MCM5: variants seen among roughly 807,000 people sequenced by gnomAD.
MCM5 encodes DNA replication licensing factor MCM5.
In MCM5, 46 loss-of-function variants were observed where a neutral mutation model predicts 79.9. The ratio of observed to expected loss-of-function variants is 0.58; its 90% CI spans 0.45 to 0.74. The LOEUF is 0.74. Ranked by LOEUF, MCM5 falls within the 30% of genes least tolerant of loss-of-function variation. MCM5 has a pLI of 0.00. For missense variants in MCM5, 883 were observed against 1,017.0 expected, an observed-to-expected ratio of 0.87 and a Z score of 1.79; for synonymous variants, 404 against 390.5, an observed-to-expected ratio of 1.03 and a Z score of -0.41.
At chr22:35,400,271 G>C (rs1931996685) in intron 1 of MCM5, 63 bp downstream of exon 1, 1 of 711,950 alleles carries the variant, frequency 1.4e-6, no homozygotes, top group East Asian at 2.6e-5. Context: ...TCCGGGTGTA[G>C]TTGGAGTGGG....
At chr22:35,403,039 G>GTTT (rs1932106559) in intron 2 of MCM5, among the ~76,000 whole-genome samples, 168 bp from the exon 3 acceptor site, 1 of 152,160 alleles carries the variant, frequency 6.6e-6, no homozygotes, top group African/African-American at 2.4e-5. Context: ...CCTCTGCAGG[G>GTTT]TTAAATAATG....
At chr22:35,416,034 G>A (rs541888426) in intron 10 of MCM5, 62 bp downstream of exon 10, 1 of 1,575,814 alleles carries the variant, frequency 6.3e-7, no homozygotes, top group South Asian at 1.1e-5. Flanking sequence ...GTGACTTCCT[G>A]TGCTCAGCCA....
At chr22:35,433,986 G>A in the MCM5 span, among the ~76,000 whole-genome samples, 1 of 152,338 alleles carries the variant, frequency 6.6e-6, no homozygotes, top group East Asian at 1.9e-4. Context: ...GTTTCTGATG[G>A]CATGGAAATC....
chr22:35,442,216 G>A, the MCM5 span, among the ~76,000 whole-genome samples: 6 of 151,836 alleles, frequency 4.0e-5, no homozygotes, highest in African/African-American at 1.5e-4. Flanking sequence ...CAGTGCCAGC[G>A]GAAGGCCCAC....
chr22:35,405,157 T>A (rs1168929419), intron 4 of MCM5, among the ~76,000 whole-genome samples: 1 of 150,284 alleles, frequency 6.7e-6, no homozygotes, highest in Non-Finnish European at 1.5e-5. Context: ...CCCCAAGTGG[T>A]TGGAATTACA....
At chr22:35,438,368 T>C in the MCM5 span, among the ~76,000 whole-genome samples, 50 of 108,414 alleles carry the variant, frequency 4.6e-4, no homozygotes, top group East Asian at 6.2e-4. Context: ...CCCACATATT[T>C]ATCCATCCAT....
chr22:35,412,214 C>T (rs1932402780), intron 7 of MCM5, among the ~76,000 whole-genome samples: 1 of 152,320 alleles, frequency 6.6e-6, no homozygotes, highest in Non-Finnish European at 1.5e-5. Flanking sequence ...TATATCACTC[C>T]TCGGCTGAAA....
At chr22:35,444,868 A>G in the MCM5 span, among the ~76,000 whole-genome samples, 1 of 152,142 alleles carries the variant, frequency 6.6e-6, no homozygotes, top group Non-Finnish European at 1.5e-5. Context: ...TTAGAAAATG[A>G]GGCAGATGCA....
chr22:35,423,364 G>C, intron 16 of MCM5, 23 bp downstream of exon 16: 2 of 1,574,808 alleles, frequency 1.3e-6, no homozygotes, highest in Non-Finnish European at 1.7e-6. Context: ...TGGAGTGGGG[G>C]TGTGAGCCGG....
chr22:35,451,706 G>C, the MCM5 span, among the ~76,000 whole-genome samples: 1 of 152,214 alleles, frequency 6.6e-6, no homozygotes, highest in East Asian at 1.9e-4. Context: ...AGCAGACATG[G>C]GCCCTCAGCA....
At chr22:35,435,013 T>C in the MCM5 span, among the ~76,000 whole-genome samples, 1 of 152,182 alleles carries the variant, frequency 6.6e-6, no homozygotes, top group Non-Finnish European at 1.5e-5. Context: ...TAGCTGGGTA[T>C]GGTGGCAGGT....
chr22:35,421,127 CAAAA>C (rs133430), intron 14 of MCM5, among the ~76,000 whole-genome samples, 187 bp from the exon 15 acceptor site: 9 of 88,882 alleles, frequency 1.0e-4, no homozygotes, highest in South Asian at 7.8e-4. Context: ...GACTTTGTCT[CAAAA>C]AAAAAAAAAA....
At position 35,413,364 on chromosome 22, in the gene MCM5, G is replaced by A. The variant is rs1932444251; in HGVS notation, c.1092-511G>A. 4.6e-5 allele frequency among the ~76,000 whole-genome samples: 7 copies of A among 152,248 alleles called. No homozygotes were observed. The South Asian group carries it at 1.5e-3, about 32-fold the overall frequency. The stretch of plus-strand genomic sequence containing the variant: ...CGGCCGCACAGGCATTCTTCTAAGT[G>A]CTTTATGTGTCTGAAGCCCAGTCAT... On this transcript the variant is annotated intron_variant, in intron 8 of 16. Coordinates refer to ENST00000216122, the MANE Select transcript of MCM5 (RefSeq NM_006739.4).
chr22:35,434,411 G>T, the MCM5 span, among the ~76,000 whole-genome samples: 7 of 152,158 alleles, frequency 4.6e-5, no homozygotes, highest in African/African-American at 1.7e-4. Context: ...TCTCTGCCAA[G>T]AAAGAGCTTT....
intron 7 of MCM5, 65 bp downstream of exon 7, chr22:35,410,975 C>T (rs1223108011): frequency 1.4e-6 from 2 of 1,468,910 alleles, no homozygotes; most frequent in African/African-American, 1.4e-5. Flanking sequence ...CTTCTGGTAA[C>T]AGGCAGCTCG....
chr22:35,406,219 C>CA (rs1422291618), intron 4 of MCM5, among the ~76,000 whole-genome samples: 1 of 150,954 alleles, frequency 6.6e-6, no homozygotes, highest in African/African-American at 2.4e-5. Flanking sequence ...ATGTCGCCAT[C>CA]AGAGCTGGGG....
the MCM5 span, among the ~76,000 whole-genome samples, chr22:35,435,138 A>ATTTG: frequency 2.6e-5 from 4 of 152,094 alleles, no homozygotes; most frequent in Non-Finnish European, 4.4e-5. Context: ...GCGACAGAGC[A>ATTTG]AGACTCCATC....
chr22:35,429,661 G>A (rs922181483), downstream of MCM5, among the ~76,000 whole-genome samples: 1 of 151,800 alleles, frequency 6.6e-6, no homozygotes, highest in African/African-American at 2.4e-5. Flanking sequence ...CCAGGCTCCC[G>A]AGTAGCTGGG....
At chr22:35,415,024 A>G (rs776484888) in intron 9 of MCM5, among the ~76,000 whole-genome samples, 4 of 152,174 alleles carry the variant, frequency 2.6e-5, no homozygotes, top group African/African-American at 4.8e-5. Context: ...TGAACTGCAC[A>G]TGCGACCCAT....
Sources: allele counts gnomAD v4.1 joint callset (sites outside exome capture counted in the v4.1 genomes callset), GRCh38; gene constraint gnomAD v4.1.1; transcripts MANE v1.5; gene names NCBI Gene and HGNC (gene_info 2026-07-23, HGNC 2026-07-21).